CTSS: variants seen among roughly 807,000 people sequenced by gnomAD.
CTSS encodes the protein cathepsin S.
In CTSS, 15 loss-of-function variants were observed where a neutral mutation model predicts 39.9. That is an observed-to-expected ratio of 0.38 (90% confidence interval 0.25 to 0.58). The LOEUF (loss-of-function observed/expected upper bound fraction) is 0.58. Ranked by LOEUF, CTSS falls within the 20% of genes least tolerant of loss-of-function variation. The pLI is 0.70. For synonymous variants in CTSS, 126 were observed against 138.2 expected (o/e 0.91, Z 0.62); for missense variants, 250 against 398.2 (o/e 0.63, Z 3.17).
chr1:150,754,551 CTGAG>C (rs1653075495), intron 4 of CTSS, among the ~76,000 whole-genome samples: 1 of 152,022 alleles, frequency 6.6e-6, no homozygotes, highest in Admixed American at 6.6e-5. Flanking sequence ...CCTCACTCTC[CTGAG>C]TAACTGGGAT....
intron 4 of CTSS, among the ~76,000 whole-genome samples, chr1:150,753,955 A>G (rs1190884667): frequency 6.6e-6 from 1 of 151,848 alleles, no homozygotes; most frequent in Non-Finnish European, 1.5e-5. Flanking sequence ...AAAACAAAAC[A>G]AAACAAAACA....
chr1:150,730,862 T>C lies in CTSS; in HGVS notation c.*2184A>G, dbSNP rs1293336726. The C allele has an allele frequency of 6.8e-6, 1 of 147,982 alleles. No homozygotes were observed. The highest frequency in any genetic ancestry group is 1.5e-5 in the Non-Finnish European group (1 of 66,804). 9.2% of individuals were successfully genotyped at this position (147,982 alleles called of 1,614,324 possible). A position where few individuals can be genotyped will look rare whatever the true frequency, so the allele number is the denominator to read the frequency against. On this transcript the variant is annotated 3_prime_UTR_variant, in exon 8 of 8. Coordinates refer to ENST00000368985, the MANE Select transcript of CTSS (RefSeq NM_004079.5). Reference sequence around the variant, plus strand: ...TAGCTATTAACTCTTATTTAATGCATTTATAAAGAAGCATGCATATTAATA... The same window carrying C: ...TAGCTATTAACTCTTATTTAATGCACTTATAAAGAAGCATGCATATTAATA...
rs1652542888 is a variant in CTSS, at chr1:150,732,366, G to T, written c.*680C>A. The T allele has an allele frequency of 6.6e-6, 1 of 152,126 alleles. No individual in the cohort carries two copies. Among genetic ancestry groups the T allele is most frequent in the Non-Finnish European group, 1.5e-5 (1 of 68,032 alleles). The allele number at this position is 152,126 out of a possible 1,614,324, so 9.4% of individuals were successfully genotyped here. A position where few individuals can be genotyped will look rare whatever the true frequency, so the allele number is the denominator to read the frequency against. On this transcript the variant is annotated 3_prime_UTR_variant, in exon 8 of 8. Coordinates refer to ENST00000368985, the MANE Select transcript of CTSS (RefSeq NM_004079.5). ...TAATAGTTGCCTAGGAATAAGAATG[G>T]TATGTGGCAATGATAGAAATTTGAA...
chr1:150,739,854 G>A (rs1037195599), intron 7 of CTSS, among the ~76,000 whole-genome samples: 2 of 151,924 alleles, frequency 1.3e-5, no homozygotes, highest in Non-Finnish European at 2.9e-5. Flanking sequence ...TTGTAAGAAG[G>A]CTGATGAAAC....
At chr1:150,748,422 C>A (rs1652936910) in intron 6 of CTSS, 1 of 152,064 alleles carries the variant, frequency 6.6e-6, no homozygotes, top group African/African-American at 2.4e-5. Flanking sequence ...CCCCCAGAAA[C>A]CTTCTTTGAT....
At chr1:150,735,710 T>C (rs1652621200) in intron 7 of CTSS, among the ~76,000 whole-genome samples, 1 of 151,812 alleles carries the variant, frequency 6.6e-6, no homozygotes, top group African/African-American at 2.4e-5. Context: ...TGCCTCAGCC[T>C]TACAAGTAGC....
intron 3 of CTSS, among the ~76,000 whole-genome samples, 200 bp from the exon 4 acceptor site, chr1:150,755,350 A>T (rs1476312588): frequency 6.6e-6 from 1 of 152,220 alleles, no homozygotes; most frequent in East Asian, 1.9e-4. Flanking sequence ...ATGGTACTGT[A>T]CTGAAGGTTG....
intron 7 of CTSS, among the ~76,000 whole-genome samples, chr1:150,736,448 G>A (rs1184792397): frequency 6.6e-6 from 1 of 151,990 alleles, no homozygotes; most frequent in Non-Finnish European, 1.5e-5. Context: ...AGTCATATGG[G>A]GAATGAAATT....
chr1:150,762,892 C>CCATAT (rs1280582325), intron 2 of CTSS, among the ~76,000 whole-genome samples: 1 of 152,112 alleles, frequency 6.6e-6, no homozygotes, highest in African/African-American at 2.4e-5. Context: ...AATATAATTA[C>CCATAT]CATATCATCC....
chr1:150,734,028 ATCT>A (rs1289114568), intron 7 of CTSS, among the ~76,000 whole-genome samples: 2 of 150,396 alleles, frequency 1.3e-5, no homozygotes, highest in Non-Finnish European at 3.0e-5. Context: ...ATGTATGGAC[ATCT>A]TTTTTTTTTT....
intron 6 of CTSS, among the ~76,000 whole-genome samples, chr1:150,749,485 G>T (rs1652960836): frequency 1.3e-5 from 2 of 152,054 alleles, no homozygotes; most frequent in African/African-American, 4.8e-5. Context: ...GCTGAGAGAG[G>T]CGAGGAAGCT....
At chr1:150,756,212 C>G (rs1375365425) in intron 3 of CTSS, among the ~76,000 whole-genome samples, 1 of 152,170 alleles carries the variant, frequency 6.6e-6, no homozygotes, top group African/African-American at 2.4e-5. Flanking sequence ...GTCTCCACCT[C>G]TTGTCCCACT....
intron 4 of CTSS, among the ~76,000 whole-genome samples, chr1:150,753,877 G>T (rs1209419146): frequency 6.6e-6 from 1 of 151,868 alleles, no homozygotes; most frequent in Non-Finnish European, 1.5e-5. Flanking sequence ...AGAGGCAGAG[G>T]TTGCAGTGAG....
rs369647788 is a variant in CTSS, at chr1:150,763,350, A to T, written c.126+1288T>A. On this transcript the variant is annotated intron_variant, in intron 2 of 7. Transcript: ENST00000368985. ...GTACAGAGTTTCATTTGACAAGAAG[A>T]CTACATTCTAGCAATCTATTGCATA... Among the ~76,000 whole-genome samples the T allele has an allele frequency of 6.6e-4, 100 of 152,214 alleles. 4 individuals carry two copies. The South Asian group carries it at 0.021, about 32-fold the overall frequency.
chr1:150,737,905 G>A (rs1327297189), intron 7 of CTSS, among the ~76,000 whole-genome samples: 1 of 152,180 alleles, frequency 6.6e-6, no homozygotes, highest in African/African-American at 2.4e-5. Flanking sequence ...CCTGGATAAA[G>A]GGCTAGAAAT....
chr1:150,752,555 A>G (rs1364549611), intron 4 of CTSS, among the ~76,000 whole-genome samples: 4 of 152,232 alleles, frequency 2.6e-5, no homozygotes, highest in African/African-American at 9.6e-5. Context: ...AAAGGGGCAG[A>G]GTGTCCAGAG....
chr1:150,749,989 T>C lies in CTSS; in HGVS notation c.793+17A>G. 2.5e-6 allele frequency: 4 copies of C among 1,576,060 alleles called. No individual in the cohort carries two copies. The highest frequency in any genetic ancestry group is 2.6e-6 in the Non-Finnish European group (3 of 1,155,838). On this transcript the variant is annotated intron_variant, in intron 6 of 7. Coordinates refer to ENST00000368985, the MANE Select transcript of CTSS (RefSeq NM_004079.5). ...TTCTTTCTTTAAATTCTAATTATTG[T>C]TTATTTTATTTTTTACCACTTCTGT... is the stretch of plus-strand genomic sequence containing the variant.
intron 7 of CTSS, among the ~76,000 whole-genome samples, chr1:150,741,223 C>G (rs1017997739): frequency 1.3e-5 from 2 of 152,092 alleles, no homozygotes; most frequent in African/African-American, 2.4e-5. Context: ...GTCTTAAACT[C>G]CTGGCCTCAA....
At chr1:150,764,151 A>G (rs147108912) in intron 2 of CTSS, among the ~76,000 whole-genome samples, 4 of 152,244 alleles carry the variant, frequency 2.6e-5, no homozygotes, top group East Asian at 1.9e-4. Flanking sequence ...CTCTCTCACT[A>G]TAATATAAGC....
Sources: gnomAD v4.1 joint callset for allele counts (sites outside exome capture counted in the v4.1 genomes callset) on GRCh38, gnomAD v4.1.1 for gene constraint, MANE v1.5 for transcripts, NCBI Gene and HGNC (gene_info 2026-07-23, HGNC 2026-07-21) for gene names.